TEF: variants seen among roughly 807,000 people sequenced by gnomAD.
TEF encodes the protein thyrotroph embryonic factor.
In TEF, 3 loss-of-function variants were observed where a neutral mutation model predicts 20.8. That is an observed-to-expected ratio of 0.14 (90% CI 0.07 to 0.37). The LOEUF is 0.37. Ranked by LOEUF, TEF falls within the 10% of genes least tolerant of loss-of-function variation. The pLI, the probability that TEF is intolerant of heterozygous loss-of-function variation, is 1.00. For synonymous variants in TEF, 180 were observed against 171.1 expected (o/e 1.05, Z -0.41); for missense variants, 296 against 397.9 (o/e 0.74, Z 2.18).
At chr22:41,386,700 G>T (rs1048394659) in intron 1 of TEF, among the ~76,000 whole-genome samples, 3 of 152,036 alleles carry the variant, frequency 2.0e-5, no homozygotes, top group Admixed American at 6.6e-5. Context: ...CCAAGATTGC[G>T]CCATTGTAAG....
chr22:41,380,487 C>G (rs1228180974), upstream of TEF, among the ~76,000 whole-genome samples: 1 of 152,188 alleles, frequency 6.6e-6, no homozygotes, highest in East Asian at 1.9e-4. Flanking sequence ...AGCTTGATAA[C>G]TTTTAGCTGG....
chr22:41,393,055 G>C, intron 2 of TEF, among the ~76,000 whole-genome samples: 1 of 150,366 alleles, frequency 6.7e-6, no homozygotes, highest in East Asian at 2.0e-4. Flanking sequence ...GAAAAGTGGA[G>C]CCTGGCCAGG....
At position 41,396,109 on chromosome 22, in the gene TEF, A is replaced by G. The variant is rs2037225096; in HGVS notation, c.*149A>G. 1.2e-6 allele frequency: 1 copy of G among 830,266 alleles called. No individual in the cohort carries two copies. The highest frequency in any genetic ancestry group is 1.9e-6 in the Non-Finnish European group (1 of 539,484). The allele number at this position is 830,266 out of a possible 1,614,324, so 51.4% of individuals were successfully genotyped here. A position where few individuals can be genotyped will look rare whatever the true frequency, so the allele number is the denominator to read the frequency against. Reference sequence around the variant, plus strand: ...GCAGGAGCGGCCACGTCTCAGCTTCATTATACCATGGCCTGCGCACGTGGC... The same window carrying G: ...GCAGGAGCGGCCACGTCTCAGCTTCGTTATACCATGGCCTGCGCACGTGGC... On this transcript the variant is annotated 3_prime_UTR_variant, in exon 4 of 4. Coordinates refer to ENST00000266304, the MANE Select transcript of TEF (RefSeq NM_003216.4).
At chr22:41,376,397 C>T (rs5751087) in intron 1 of TEF, among the ~76,000 whole-genome samples, 6 of 152,104 alleles carry the variant, frequency 3.9e-5, no homozygotes, top group Admixed American at 6.5e-5. Flanking sequence ...CCACCATGCC[C>T]GGCTAGTTTT....
exon 1 of TEF, chr22:41,367,474 G>A: frequency 1.4e-5 from 21 of 1,521,020 alleles, no homozygotes; most frequent in Non-Finnish European, 1.8e-5. Flanking sequence ...TGAACTCCCT[G>A]GAGCAAGCAC....
chr22:41,395,781 G>C lies in TEF; in HGVS notation c.733G>C (p.Val245Leu), dbSNP rs374094544. Residue 245 changes from valine to leucine, a missense_variant, in exon 4 of 4, where the codon GTG becomes CTG. This residue lies in a region of TEF where 194 missense variants were observed against 317.8 expected (regional missense o/e 0.61). Transcript: ENST00000266304. ...CTGGACAAGACGCAAGAAGAACAAC[G>C]TGGCAGCTAAACGGTCACGGGATGC... ...KYWTRRKKNNVAAKRSRDARR... is the reference protein window; with the variant it reads ...KYWTRRKKNNLAAKRSRDARR... 4 of 1,614,020 alleles carry C rather than the reference G, an allele frequency of 2.5e-6. No individual in the cohort carries two copies. Among genetic ancestry groups the C allele is most frequent in the Non-Finnish European group, 2.5e-6 (3 of 1,180,034 alleles).
intron 1 of TEF, among the ~76,000 whole-genome samples, chr22:41,373,226 C>T (rs1264858579): frequency 1.3e-5 from 2 of 152,186 alleles, no homozygotes; most frequent in African/African-American, 2.4e-5. Context: ...GAATGGACTA[C>T]TTTACTTCGG....
chr22:41,383,869 A>G (rs2037064421), intron 1 of TEF, among the ~76,000 whole-genome samples: 1 of 152,192 alleles, frequency 6.6e-6, no homozygotes. Context: ...GGTCACAGTC[A>G]TTTCTGAACA....
chr22:41,369,933 T>C (rs2036861847), intron 1 of TEF: 1 of 985,284 alleles, frequency 1.0e-6, no homozygotes, highest in Non-Finnish European at 1.2e-6. Flanking sequence ...CCATTTTCTC[T>C]TCTTTCTCCT....
intron 3 of TEF, 129 bp downstream of exon 3, chr22:41,394,445 T>C (rs1470322606): frequency 3.2e-6 from 3 of 929,924 alleles, no homozygotes; most frequent in Non-Finnish European, 1.6e-6. Flanking sequence ...GACATGAGTT[T>C]AGTGCTTAAA....
At chr22:41,375,537 T>C (rs1601812526) in intron 1 of TEF, among the ~76,000 whole-genome samples, 1 of 151,908 alleles carries the variant, frequency 6.6e-6, no homozygotes, top group East Asian at 1.9e-4. Context: ...GATCGCGAGG[T>C]CAGGAGATCG....
intron 1 of TEF, among the ~76,000 whole-genome samples, chr22:41,386,327 G>A (rs1030068515): frequency 5.3e-5 from 8 of 152,172 alleles, no homozygotes; most frequent in African/African-American, 1.9e-4. Flanking sequence ...TATAATCCCA[G>A]CTACTTGGGA....
Position 41,372,686 on chromosome 22 carries a change from C to T in TEF, c.67+5087C>T, listed in dbSNP as rs548071934. On this transcript the variant is annotated intron_variant, in intron 1 of 3. Coordinates refer to the TEF transcript ENST00000406644. The stretch of plus-strand genomic sequence containing the variant: ...GAGCGTTTGCTATGCTTGGAGAGCC[C>T]GGGGTGAATGAAACCAACTCTACTC... 2.5e-4 allele frequency among the ~76,000 whole-genome samples: 38 copies of T among 152,104 alleles called. 1 individual carries two copies. In the South Asian group the frequency reaches 7.1e-3, roughly 28 times the overall value.
At chr22:41,392,813 G>C (rs568193019) in intron 2 of TEF, among the ~76,000 whole-genome samples, 1 of 152,160 alleles carries the variant, frequency 6.6e-6, no homozygotes, top group Non-Finnish European at 1.5e-5. Context: ...GAGGCGGGTG[G>C]ATCACTTGAG....
Position 41,399,142 on chromosome 22 carries a change from G to A in TEF, c.*3182G>A, listed in dbSNP as rs1196891053. On this transcript the variant is annotated 3_prime_UTR_variant, in exon 4 of 4. Transcript: ENST00000266304. Reference sequence around the variant, plus strand: ...GGGCCCCTCTCTTTACCTTTGTTGGGGGAAGGAGGCAAGAGAGAAATTCCT... The same window carrying A: ...GGGCCCCTCTCTTTACCTTTGTTGGAGGAAGGAGGCAAGAGAGAAATTCCT... 6.6e-6 allele frequency: 1 copy of A among 152,634 alleles called. No individual in the cohort carries two copies. 9.5% of individuals were successfully genotyped at this position (152,634 alleles called of 1,614,324 possible).
chr22:41,382,643 C>T (rs1483396702), intron 1 of TEF, among the ~76,000 whole-genome samples: 1 of 152,062 alleles, frequency 6.6e-6, no homozygotes, highest in East Asian at 1.9e-4. Context: ...GTTTAGGAAG[C>T]GCAGGCCTAG....
chr22:41,389,818 C>T (rs528466861), intron 2 of TEF, among the ~76,000 whole-genome samples: 32 of 152,180 alleles, frequency 2.1e-4, no homozygotes, highest in Non-Finnish European at 4.1e-4. Context: ...ATTGTACTAA[C>T]GTACCACAGC....
intron 1 of TEF, among the ~76,000 whole-genome samples, chr22:41,375,607 C>T (rs12168692): frequency 0.023 from 3,531 of 151,788 alleles, 125 homozygotes; most frequent in African/African-American, 0.081. Context: ...AAAAATTAGC[C>T]GGGCTACTTG....
chr22:41,388,871 T>A, intron 2 of TEF, among the ~76,000 whole-genome samples: 1 of 152,030 alleles, frequency 6.6e-6, no homozygotes, highest in East Asian at 1.9e-4. Flanking sequence ...TTGTGGAAAT[T>A]TTTTCAAACA....
Sources: gnomAD v4.1 joint callset for allele counts (sites outside exome capture counted in the v4.1 genomes callset) on GRCh38, gnomAD v4.1.1 for gene constraint, gnomAD v4.1.1 regional missense constraint, MANE v1.5 for transcripts, NCBI Gene and HGNC (gene_info 2026-07-23, HGNC 2026-07-21) for gene names.